The following TBC1D8B variants were observed in gnomAD, a reference collection of about 807,000 sequenced individuals.
TBC1D8B encodes TBC1 domain family member 8B, also known as RP11-321G1.1.
In TBC1D8B, 75 loss-of-function variants were observed where a neutral mutation model predicts 82.9. The observed-to-expected ratio is 0.90, with a 90% CI of 0.75 to 1.10. TBC1D8B has a LOEUF of 1.10. TBC1D8B is among the 50% of genes least tolerant of loss of function. TBC1D8B has a pLI of 0.00. For missense variants in TBC1D8B, 794 were observed against 796.9 expected, an observed-to-expected ratio of 1.00 and a Z score of 0.04; for synonymous variants, 276 against 276.8, an observed-to-expected ratio of 1.00 and a Z score of 0.03.
chrX:106,839,639 GAAGATAA>G (rs1426651978), intron 8 of TBC1D8B, among the ~76,000 whole-genome samples, 182 bp downstream of exon 8: 1 of 111,719 alleles, frequency 9.0e-6, no homozygotes, highest in Non-Finnish European at 1.9e-5. Flanking sequence ...TATCAGGAAT[GAAGATAA>G]AAGATAAAAG....
chrX:106,872,839 A>C (rs1932859118), intron 20 of TBC1D8B, among the ~76,000 whole-genome samples: 1 of 110,747 alleles, frequency 9.0e-6, no homozygotes, highest in Non-Finnish European at 1.9e-5. Flanking sequence ...GCATGGTGGC[A>C]TGTGCCTATA....
chrX:106,855,985 T>A lies in TBC1D8B; in HGVS notation c.2352+1689T>A, dbSNP rs536202398. On this transcript the variant is annotated intron_variant, in intron 14 of 20. Coordinates refer to ENST00000357242, the MANE Select transcript of TBC1D8B (RefSeq NM_017752.3). ...CTGGGAGTTCCAGGCTACAGTAAGC[T>A]ATAATCATGCCACTGCACTCCAGCC... is the stretch of plus-strand genomic sequence containing the variant. Among the ~76,000 whole-genome samples, 40 of 111,965 alleles carry A rather than the reference T, an allele frequency of 3.6e-4. No homozygotes were observed. In the South Asian group the frequency reaches 0.015, roughly 42 times the overall value.
chrX:106,816,425 A>G (rs1200358211), intron 1 of TBC1D8B, among the ~76,000 whole-genome samples: 2 of 111,265 alleles, frequency 1.8e-5, no homozygotes, highest in East Asian at 2.8e-4. Context: ...CCAATTTCTC[A>G]TAGTCACTAT....
In TBC1D8B at chrX:106,849,203, A is replaced by G. The variant is rs1932530925; in HGVS notation, c.1838-822A>G. 13 of 1,101,522 alleles carry G rather than the reference A, an allele frequency of 1.2e-5. No homozygotes were observed. The Admixed American group carries it at 2.6e-4, about 22-fold the overall frequency. The allele number at this position is 1,101,522 out of a possible 1,213,427, so 90.8% of individuals were successfully genotyped here. The stretch of plus-strand genomic sequence containing the variant: ...TAGGTCATCGATTTTACTGTCTTTC[A>G]TTATAATTATTTGTGTATTTTTTTT... On this transcript the variant is annotated intron_variant, in intron 11 of 20. Transcript: ENST00000357242.
At chrX:106,812,246 A>G (rs985653861) in intron 1 of TBC1D8B, among the ~76,000 whole-genome samples, 2 of 111,635 alleles carry the variant, frequency 1.8e-5, no homozygotes, top group Non-Finnish European at 3.8e-5. Flanking sequence ...TATTGAGCAC[A>G]CTACCTTCTC....
chrX:106,873,459 G>A (rs1439334022), intron 20 of TBC1D8B, 111 bp from the exon 21 acceptor site: 2 of 803,897 alleles, frequency 2.5e-6, no homozygotes. Context: ...AACTTCTAGG[G>A]TGAAGCTTCT....
intron 14 of TBC1D8B, among the ~76,000 whole-genome samples, chrX:106,858,785 C>T (rs781272168): frequency 9.0e-5 from 10 of 111,643 alleles, no homozygotes; most frequent in African/African-American, 2.9e-4. Flanking sequence ...TCTTTGCCAC[C>T]GCCTATATCT....
chrX:106,807,035 A>G (rs924318630), intron 1 of TBC1D8B, among the ~76,000 whole-genome samples: 1 of 111,305 alleles, frequency 9.0e-6, no homozygotes, highest in Non-Finnish European at 1.9e-5. Flanking sequence ...AAGGAGTCCA[A>G]CTCTGAAAAT....
intron 7 of TBC1D8B, among the ~76,000 whole-genome samples, chrX:106,834,229 T>C (rs1449564307): frequency 9.0e-6 from 1 of 111,243 alleles, no homozygotes; most frequent in African/African-American, 3.3e-5. Flanking sequence ...CTTACAATCA[T>C]GGTGGAAGGC....
rs1374152023 is a variant in TBC1D8B, at chrX:106,846,340, T to C, written c.1720-1846T>C. On this transcript the variant is annotated intron_variant, in intron 10 of 20. Transcript: ENST00000357242. ...CCAGGCTGGTTATGAACTCCTGACC[T>C]CAAGTGATCCACCCACCTCGGCCTC... Among the ~76,000 whole-genome samples the C allele has an allele frequency of 5.6e-5, 6 of 106,358 alleles. No individual in the cohort carries two copies. The Admixed American group carries it at 6.1e-4, about 11-fold the overall frequency. 92.4% of individuals were successfully genotyped at this position (106,358 alleles called of 115,157 possible). A position where few individuals can be genotyped will look rare whatever the true frequency, so the allele number is the denominator to read the frequency against.
Position 106,850,206 on chromosome X carries a change from T to A in TBC1D8B, c.2019T>A (p.Asp673Glu). 1 of 1,211,656 alleles carries A rather than the reference T, an allele frequency of 8.3e-7. No homozygotes were observed. The highest frequency in any genetic ancestry group is 1.1e-6 in the Non-Finnish European group (1 of 895,447). Reference sequence around the variant, plus strand: ...ATGTGGTGGACTGTTTCTTCTATGATGGAATAAAGGCCATTTTGCAACTGG... The same window carrying A: ...ATGTGGTGGACTGTTTCTTCTATGAAGGAATAAAGGCCATTTTGCAACTGG... ...AVNVVDCFFY[D>E]GIKAILQLGL... is the part of the protein sequence containing the mutation. The change falls in exon 12 of 21, where the codon GAT (aspartate) becomes GAA (glutamate). Residue 673 changes from aspartate to glutamate, a missense_variant. Physicochemically the swap from Asp to Glu is conservative, Grantham distance 45 (BLOSUM62 2). Transcript: ENST00000357242.
intron 6 of TBC1D8B, among the ~76,000 whole-genome samples, chrX:106,826,820 T>C (rs1931860428): frequency 9.0e-6 from 1 of 111,513 alleles, no homozygotes; most frequent in African/African-American, 3.3e-5. Context: ...TGTAAGACTT[T>C]ACTAAATGGT....
chrX:106,810,420 A>C (rs1931332683), intron 1 of TBC1D8B, among the ~76,000 whole-genome samples: 1 of 112,044 alleles, frequency 8.9e-6, no homozygotes, highest in Non-Finnish European at 1.9e-5. Context: ...GACTCAATAT[A>C]TAATGCACTT....
intron 7 of TBC1D8B, chrX:106,830,180 G>A (rs1430594975): frequency 5.5e-4 from 62 of 111,959 alleles, no homozygotes; most frequent in Non-Finnish European, 8.6e-4. Flanking sequence ...TGCAGCCAAA[G>A]AACACATGAA....
chrX:106,855,441 C>T (rs1325749561), intron 14 of TBC1D8B, among the ~76,000 whole-genome samples: 1 of 111,958 alleles, frequency 8.9e-6, no homozygotes, highest in Non-Finnish European at 1.9e-5. Context: ...GGTGTCTGCA[C>T]ACATGCATGT....
chrX:106,847,347 A>G (rs940570763), intron 10 of TBC1D8B, among the ~76,000 whole-genome samples: 7 of 111,776 alleles, frequency 6.3e-5, no homozygotes, highest in Non-Finnish European at 1.3e-4. Context: ...GATTTAGTAC[A>G]CAGTGTGATA....
At chrX:106,808,047 C>T (rs1931250064) in intron 1 of TBC1D8B, among the ~76,000 whole-genome samples, 2 of 110,114 alleles carry the variant, frequency 1.8e-5, no homozygotes, top group Admixed American at 9.8e-5. Context: ...AGGGAGACTC[C>T]ATCTCAAATA....
intron 2 of TBC1D8B, among the ~76,000 whole-genome samples, chrX:106,819,792 TA>T (rs1371679805): frequency 9.0e-6 from 1 of 110,584 alleles, no homozygotes; most frequent in East Asian, 2.8e-4. Context: ...TAGTAAAAAT[TA>T]TTTTTTTTAA....
chrX:106,853,718 T>A, intron 13 of TBC1D8B, 68 bp downstream of exon 13: 1 of 1,018,797 alleles, frequency 9.8e-7, no homozygotes, highest in Non-Finnish European at 1.4e-6. Flanking sequence ...GGTCTATCTC[T>A]AATGGTATAT....
Sources: allele counts gnomAD v4.1 joint callset (sites outside exome capture counted in the v4.1 genomes callset), GRCh38; gene constraint gnomAD v4.1.1; transcripts MANE v1.5; gene names NCBI Gene and HGNC (gene_info 2026-07-23, HGNC 2026-07-21).